Variants in SRGAP1 observed in about 807,000 individuals in gnomAD.
SRGAP1 encodes the protein SLIT-ROBO Rho GTPase activating protein 1, also known as SLIT-ROBO Rho GTPase-activating protein 1.
A neutral mutation model predicts 121.9 loss-of-function variants in SRGAP1; 43 were observed. That is an observed-to-expected ratio of 0.35 (90% confidence interval 0.28 to 0.46). SRGAP1 has a LOEUF of 0.46. Ranked by LOEUF, SRGAP1 falls within the 20% of genes least tolerant of loss-of-function variation. SRGAP1 has a pLI of 1.00. For missense variants in SRGAP1, 1,102 were observed against 1,350.9 expected (o/e 0.82, Z 2.89); for synonymous variants, 447 against 485.4 (o/e 0.92, Z 1.04).
At chr12:63,937,906 G>T (rs1050943477) in intron 1 of SRGAP1, among the ~76,000 whole-genome samples, 2 of 152,220 alleles carry the variant, frequency 1.3e-5, no homozygotes, top group Admixed American at 1.3e-4. Flanking sequence ...AGCACACTGT[G>T]TCCAGAAGCG....
intron 1 of SRGAP1, among the ~76,000 whole-genome samples, chr12:63,939,674 A>G (rs1243886939): frequency 6.6e-6 from 1 of 152,202 alleles, no homozygotes; most frequent in African/African-American, 2.4e-5. Flanking sequence ...GCAACCAAGA[A>G]GTAAAAAACA....
At chr12:63,901,088 A>T (rs1482047630) in intron 1 of SRGAP1, among the ~76,000 whole-genome samples, 2 of 151,982 alleles carry the variant, frequency 1.3e-5, no homozygotes, top group Non-Finnish European at 2.9e-5. Flanking sequence ...CATTTTGGAA[A>T]CACTTATTTA....
At chr12:64,137,456 A>G (rs1375797827) in intron 21 of SRGAP1, among the ~76,000 whole-genome samples, 1 of 152,154 alleles carries the variant, frequency 6.6e-6, no homozygotes, top group Non-Finnish European at 1.5e-5. Flanking sequence ...TTTGTTTTTT[A>G]TCTTTCCATC....
chr12:64,042,910 C>T lies in SRGAP1; in HGVS notation c.610C>T (p.Arg204Ter), dbSNP rs747219637. The T allele has an allele frequency of 6.2e-7, 1 of 1,613,556 alleles. No individual in the cohort carries two copies. The highest frequency in any genetic ancestry group is 1.1e-5 in the South Asian group (1 of 91,048). Reference protein sequence around the residue: ...GRSGDPVFHIRLEERHQRRSS... With the variant: ...GRSGDPVFHI ...ATCTGGTGATCCAGTCTTCCATATTCGACTAGAGGAGAGACATCAACGGCG... is the reference window on the plus strand; with the variant it reads ...ATCTGGTGATCCAGTCTTCCATATTTGACTAGAGGAGAGACATCAACGGCG... Residue 204 changes from arginine (R) to a stop codon, truncating the protein, a stop_gained, in exon 5 of 22, where the codon CGA (arginine) becomes TGA (stop). Coordinates refer to ENST00000355086, the MANE Select transcript of SRGAP1 (RefSeq NM_020762.4). LOFTEE classifies it high-confidence loss of function.
intron 2 of SRGAP1, among the ~76,000 whole-genome samples, chr12:63,988,316 A>G (rs1210028796): frequency 6.6e-6 from 1 of 152,230 alleles, no homozygotes; most frequent in African/African-American, 2.4e-5. Flanking sequence ...AAATAAGGTA[A>G]CATTTACCTT....
At chr12:63,907,866 T>A (rs993120568) in intron 1 of SRGAP1, among the ~76,000 whole-genome samples, 12 of 152,220 alleles carry the variant, frequency 7.9e-5, no homozygotes, top group African/African-American at 2.7e-4. Context: ...TCTGATTTTG[T>A]GTTGATTTTT....
In SRGAP1 at chr12:64,153,926, G is replaced by T. The variant is rs987353901; in HGVS notation, c.*11254G>T. ...GAATGGATGAATGGGTAAAGAAAATGTGCCATACACATAAAATAGAATATT... is the reference window on the plus strand; with the variant it reads ...GAATGGATGAATGGGTAAAGAAAATTTGCCATACACATAAAATAGAATATT... On this transcript the variant is annotated 3_prime_UTR_variant, in exon 22 of 22. Coordinates refer to ENST00000355086, the MANE Select transcript of SRGAP1 (RefSeq NM_020762.4). 1.3e-5 allele frequency: 2 copies of T among 152,182 alleles called. No homozygotes were observed. Among genetic ancestry groups the T allele is most frequent in the Non-Finnish European group, 2.9e-5 (2 of 68,040 alleles). 9.4% of individuals were successfully genotyped at this position (152,182 alleles called of 1,614,324 possible).
chr12:64,006,719 C>G (rs1213871881), intron 3 of SRGAP1, among the ~76,000 whole-genome samples: 1 of 152,078 alleles, frequency 6.6e-6, no homozygotes, highest in African/African-American at 2.4e-5. Flanking sequence ...TCTATACTTA[C>G]AATGACATTG....
At chr12:64,042,108 G>C (rs4763133) in intron 4 of SRGAP1, among the ~76,000 whole-genome samples, 28,234 of 151,706 alleles carry the variant, frequency 0.19, 3,325 homozygotes, top group Non-Finnish European at 0.27. Flanking sequence ...TGTTGGCCAG[G>C]CTAGTCTCGA....
At chr12:63,907,989 C>A (rs2030301431) in intron 1 of SRGAP1, among the ~76,000 whole-genome samples, 1 of 152,018 alleles carries the variant, frequency 6.6e-6, no homozygotes, top group Non-Finnish European at 1.5e-5. Flanking sequence ...TCGTGCTATC[C>A]CTGTTGAAAA....
At chr12:63,956,912 A>G (rs2032491923) in intron 1 of SRGAP1, among the ~76,000 whole-genome samples, 1 of 152,130 alleles carries the variant, frequency 6.6e-6, no homozygotes, top group Non-Finnish European at 1.5e-5. Flanking sequence ...ATTCTGCCCT[A>G]AGCAACCACT....
intron 10 of SRGAP1, among the ~76,000 whole-genome samples, chr12:64,084,272 T>A (rs994970212): frequency 2.5e-5 from 3 of 119,296 alleles, no homozygotes; most frequent in African/African-American, 9.4e-5. Flanking sequence ...TGAAAAAAAA[T>A]GTTTGAACCA....
intron 4 of SRGAP1, chr12:64,032,529 C>A: frequency 2.5e-6 from 3 of 1,204,922 alleles, no homozygotes; most frequent in Non-Finnish European, 3.7e-6. Flanking sequence ...TGGGCCAGCA[C>A]AGAGTGACCC....
chr12:63,979,029 C>A (rs2033173252), intron 1 of SRGAP1, among the ~76,000 whole-genome samples: 1 of 149,512 alleles, frequency 6.7e-6, no homozygotes, highest in East Asian at 2.0e-4. Flanking sequence ...TCTGTTGAGA[C>A]CCTTTGACCT....
chr12:64,061,508 T>G (rs2035449813), intron 6 of SRGAP1, among the ~76,000 whole-genome samples: 1 of 152,244 alleles, frequency 6.6e-6, no homozygotes, highest in South Asian at 2.1e-4. Context: ...TTTTGGTATT[T>G]GATTTTGCCT....
chr12:64,072,106 C>CTGTGTGTGTGTGTG (rs1212999220), intron 8 of SRGAP1, among the ~76,000 whole-genome samples: 94 of 37,766 alleles, frequency 2.5e-3, no homozygotes, highest in East Asian at 4.7e-3. Flanking sequence ...CCCAATCTCT[C>CTGTGTGTGTGTGTG]TCTGTGTGTG....
intron 14 of SRGAP1, among the ~76,000 whole-genome samples, chr12:64,096,428 CAG>C (rs1211595083): frequency 3.9e-5 from 6 of 152,044 alleles, no homozygotes; most frequent in East Asian, 1.9e-4. Flanking sequence ...AAATAAAAAA[CAG>C]AATTTGATTT....
intron 3 of SRGAP1, among the ~76,000 whole-genome samples, chr12:63,994,272 G>T (rs950134671): frequency 1.3e-5 from 2 of 152,056 alleles, no homozygotes; most frequent in African/African-American, 4.8e-5. Context: ...TGTAATGTGA[G>T]ATTATACCAA....
intron 11 of SRGAP1, among the ~76,000 whole-genome samples, chr12:64,090,408 G>C (rs1273385754): frequency 6.6e-6 from 1 of 152,206 alleles, no homozygotes; most frequent in Non-Finnish European, 1.5e-5. Flanking sequence ...ACTCATGCGA[G>C]CCTGTATGTC....
Sources: gnomAD v4.1 joint callset for allele counts (sites outside exome capture counted in the v4.1 genomes callset) on GRCh38, gnomAD v4.1.1 for gene constraint, MANE v1.5 for transcripts, NCBI Gene and HGNC (gene_info 2026-07-23, HGNC 2026-07-21) for gene names.